Variants in CPSF3 observed in about 807,000 individuals in gnomAD.
CPSF3 encodes the protein cleavage and polyadenylation specificity factor subunit 3.
In CPSF3, 57 loss-of-function variants were observed where a neutral mutation model predicts 84.1. The observed-to-expected ratio is 0.68, with a 90% CI of 0.55 to 0.85. CPSF3 has a LOEUF of 0.85. Among genes scored for constraint, CPSF3 ranks in the 40% least tolerant of loss-of-function variants. CPSF3 has a pLI of 0.00. For synonymous variants in CPSF3, 275 were observed against 278.1 expected, an observed-to-expected ratio of 0.99 and a Z score of 0.11; for missense variants, 522 against 838.8, an observed-to-expected ratio of 0.62 and a Z score of 4.66.
At chr2:9,438,106 G>A (rs1680848506) in intron 7 of CPSF3, among the ~76,000 whole-genome samples, 1 of 152,202 alleles carries the variant, frequency 6.6e-6, no homozygotes, top group Admixed American at 6.5e-5. Context: ...CTGCCATCTT[G>A]GTGAGGAGGA....
At chr2:9,459,657 T>C in intron 15 of CPSF3, 39 bp downstream of exon 15, 1 of 1,019,928 alleles carries the variant, frequency 9.8e-7, no homozygotes, top group Non-Finnish European at 1.4e-6. Context: ...TTTTTTTTTT[T>C]TTTTTTTTTG....
chr2:9,463,331 C>T (rs1681795927), intron 15 of CPSF3, among the ~76,000 whole-genome samples: 1 of 152,172 alleles, frequency 6.6e-6, no homozygotes. Flanking sequence ...AGCAGAGGCT[C>T]CAGCTGGGAG....
chr2:9,452,687 G>A (rs886319387), intron 11 of CPSF3, among the ~76,000 whole-genome samples: 5 of 152,204 alleles, frequency 3.3e-5, no homozygotes, highest in Admixed American at 3.3e-4. Flanking sequence ...GATTAGAACT[G>A]AACTGTGCCA....
chr2:9,462,093 G>C (rs1224671266), intron 15 of CPSF3, among the ~76,000 whole-genome samples: 1 of 152,170 alleles, frequency 6.6e-6, no homozygotes, highest in Non-Finnish European at 1.5e-5. Flanking sequence ...TGAGTAAGTA[G>C]TGGTACAGAA....
rs924068974 is a variant in CPSF3 at position 9,471,389 on chromosome 2, C to T, written c.1903C>T (p.Leu635Phe). 1 of 1,612,594 alleles carries T rather than the reference C, an allele frequency of 6.2e-7. No homozygotes were observed. The highest frequency in any genetic ancestry group is 1.3e-5 in the African/African-American group (1 of 74,908). Residue 635 changes from leucine (L) to phenylalanine (F), a missense_variant, in exon 17 of 18, where the codon CTT (leucine) becomes TTT (phenylalanine). Physicochemically the swap from Leu to Phe is conservative, Grantham distance 22. This residue lies in a region of CPSF3 where 193 missense variants were observed against 231.6 expected (regional missense o/e 0.83). Coordinates refer to ENST00000238112, the MANE Select transcript of CPSF3 (RefSeq NM_016207.4). ...TGTAAGTGTAAAGGATGACTCTATT[C>T]TTAGCGTCACAGTGGACGGGAAAAC... is the stretch of plus-strand genomic sequence containing the variant. Reference protein sequence around the residue: ...DCVSVKDDSILSVTVDGKTAN... With the variant: ...DCVSVKDDSIFSVTVDGKTAN...
intron 13 of CPSF3, among the ~76,000 whole-genome samples, chr2:9,455,971 TAAAAA>T (rs945409022): frequency 6.6e-6 from 1 of 151,970 alleles, no homozygotes; most frequent in Non-Finnish European, 1.5e-5. Context: ...AATAAAAACT[TAAAAA>T]AAATTAAAAA....
rs531070486 is a variant in CPSF3, at chr2:9,467,582, T to A, written c.1787-125T>A. The stretch of plus-strand genomic sequence containing the variant: ...GGCAAATAATACAAATCCCTGCTTG[T>A]CACTTTAAGGATTCCATAGTTATTC... On this transcript the variant is annotated intron_variant, in intron 15 of 17. Transcript: ENST00000238112. The A allele has an allele frequency of 5.6e-4, 314 of 559,750 alleles. 1 individual carries two copies. Among genetic ancestry groups the A allele is most frequent in the Middle Eastern group, 4.3e-3 (9 of 2,116 alleles). 34.7% of individuals were successfully genotyped at this position (559,750 alleles called of 1,614,324 possible). A position where few individuals can be genotyped will look rare whatever the true frequency, so the allele number is the denominator to read the frequency against.
At position 9,452,473 on chromosome 2, in the gene CPSF3, CGCT is replaced by C. The variant is rs1454616397; in HGVS notation, c.1396-430_1396-428del. Among the ~76,000 whole-genome samples, 6 of 152,168 alleles carry C rather than the reference CGCT, an allele frequency of 3.9e-5. No homozygotes were observed. The South Asian group carries it at 1.2e-3, about 32-fold the overall frequency. On this transcript the variant is annotated intron_variant, in intron 11 of 17. Transcript: ENST00000238112. ...TTTTATTGACCTTTTTATTCAAAGCCGCTGCTGCTGCTTTTAGTGTTAGGTGTA... is the reference window on the plus strand; with the variant it reads ...TTTTATTGACCTTTTTATTCAAAGCCGCTGCTGCTTTTAGTGTTAGGTGTA...
chr2:9,472,175 G>A (rs144367798), intron 17 of CPSF3, among the ~76,000 whole-genome samples: 40 of 151,758 alleles, frequency 2.6e-4, no homozygotes, highest in African/African-American at 9.4e-4. Flanking sequence ...TTACCCAGGC[G>A]TGGTGGTGTG....
intron 4 of CPSF3, 114 bp downstream of exon 4, chr2:9,430,994 A>G (rs1680565858): frequency 1.4e-6 from 1 of 736,560 alleles, no homozygotes; most frequent in Admixed American, 2.7e-5. Flanking sequence ...GTATAAGGAT[A>G]TCAGTAATTT....
At chr2:9,428,249 G>A (rs1680460924) in intron 1 of CPSF3, among the ~76,000 whole-genome samples, 2 of 151,554 alleles carry the variant, frequency 1.3e-5, no homozygotes, top group Non-Finnish European at 1.5e-5. Context: ...TGCCTGCCTC[G>A]GCCTCCCAAA....
At chr2:9,438,857 A>G (rs1680874085) in intron 7 of CPSF3, among the ~76,000 whole-genome samples, 1 of 152,174 alleles carries the variant, frequency 6.6e-6, no homozygotes. Flanking sequence ...TCTCCCTTGT[A>G]ATGTAGTATA....
chr2:9,470,894 T>C (rs1162192732), intron 16 of CPSF3, among the ~76,000 whole-genome samples: 1 of 152,214 alleles, frequency 6.6e-6, no homozygotes, highest in African/African-American at 2.4e-5. Flanking sequence ...ATAAGCTGTA[T>C]CAAGGCAAAT....
In CPSF3 at chr2:9,472,933, G is replaced by A. The variant is rs1396023048; in HGVS notation, c.1971G>A (p.Glu657=). 1.2e-6 allele frequency: 2 copies of A among 1,612,890 alleles called. No individual in the cohort carries two copies. Among genetic ancestry groups the A allele is most frequent in the Non-Finnish European group, 1.7e-6 (2 of 1,179,100 alleles). ...NLETRTVECE[E]GSEDDESLRE... ...ACTTTCAGACTGTAGAATGTGAAGA[G>A]GGAAGTGAAGACGATGAATCCCTCC... The change falls in exon 18 of 18, where the codon GAG becomes GAA. Residue 657 remains glutamate (E), a synonymous_variant. Transcript: ENST00000238112.
At chr2:9,434,057 T>C (rs1680690347) in intron 6 of CPSF3, 97 bp downstream of exon 6, 2 of 737,656 alleles carry the variant, frequency 2.7e-6, no homozygotes, top group African/African-American at 3.6e-5. Flanking sequence ...TAATATGTTA[T>C]TGGATATAAA....
At chr2:9,466,316 G>A (rs1449826192) in intron 15 of CPSF3, among the ~76,000 whole-genome samples, 21 of 67,554 alleles carry the variant, frequency 3.1e-4, no homozygotes, top group Non-Finnish European at 7.6e-4. Flanking sequence ...GCACACTGAC[G>A]CACGCACACA....
In CPSF3 at chr2:9,423,812, G is replaced by A; in HGVS notation, c.39G>A (p.Leu13=). Residue 13 remains leucine, a synonymous_variant, in exon 1 of 18, where the codon CTG becomes CTA. Coordinates refer to ENST00000238112, the MANE Select transcript of CPSF3 (RefSeq NM_016207.4). ...CTGCTGAGGAGAGCGACCAGCTGCT[G>A]ATCCGACCCCTGTAAGGGACCAGCG... The part of the protein sequence containing the change: ...AIPAEESDQL[L]IRPLGAGQEV... 3 of 1,613,518 alleles carry A rather than the reference G, an allele frequency of 1.9e-6. No homozygotes were observed. In the South Asian group the frequency reaches 3.3e-5, roughly 18 times the overall value.
chr2:9,441,594 A>C, intron 8 of CPSF3: 1 of 501,204 alleles, frequency 2.0e-6, no homozygotes, highest in Non-Finnish European at 3.6e-6. Flanking sequence ...AAGGTTTTGA[A>C]GATCGGGGTG....
chr2:9,432,744 C>T, intron 5 of CPSF3, 56 bp downstream of exon 5: 4 of 1,337,736 alleles, frequency 3.0e-6, no homozygotes, highest in Non-Finnish European at 2.9e-6. Context: ...GAGCTTTGTG[C>T]CACCAAGTAC....
Sources: allele counts gnomAD v4.1 joint callset (sites outside exome capture counted in the v4.1 genomes callset), GRCh38; gene constraint gnomAD v4.1.1; regional missense constraint gnomAD v4.1.1; transcripts MANE v1.5; gene names NCBI Gene and HGNC (gene_info 2026-07-23, HGNC 2026-07-21).